The following SLC27A1 variants were observed in gnomAD, a reference collection of about 807,000 sequenced individuals.
SLC27A1 encodes the protein solute carrier family 27 member 1.
SLC27A1 carries 61 observed loss-of-function variants against 62.2 expected under a neutral mutation model. The ratio of observed to expected loss-of-function variants is 0.98; its 90% confidence interval spans 0.80 to 1.21. The LOEUF is 1.21. Among genes scored for constraint, SLC27A1 ranks in the 50% most tolerant of loss-of-function variants. SLC27A1 has a pLI of 0.00. For synonymous variants in SLC27A1, 435 were observed against 408.6 expected (o/e 1.06, Z -0.78); for missense variants, 903 against 932.1 (o/e 0.97, Z 0.41).
At position 17,487,166 on chromosome 19, in the gene SLC27A1, G is replaced by A; in HGVS notation, c.563-8G>A. 6.2e-7 allele frequency: 1 copy of A among 1,613,974 alleles called. No homozygotes were observed. On this transcript the variant is annotated splice_polypyrimidine_tract_variant and splice_region_variant and intron_variant, in intron 2 of 11. Transcript: ENST00000252595. ...CGGTGACCATGACCCATGTGTTGGG[G>A]ACCACAGCGGTGGCCGAAGTGAGCG...
At position 17,487,497 on chromosome 19, in the gene SLC27A1, G is replaced by C. The variant is rs1224057947; in HGVS notation, c.762G>C (p.Gly254=). 1 of 1,611,250 alleles carries C rather than the reference G, an allele frequency of 6.2e-7. No homozygotes were observed. The highest frequency in any genetic ancestry group is 8.5e-7 in the Non-Finnish European group (1 of 1,179,848). ...ACATCTACACGTCGGGGACCACCGG[G>C]CTGCCCAAGGCTGCCATTGTCGTGC... ...LFYIYTSGTT[G]LPKAAIVVHS... The change falls in exon 4 of 12, where the codon GGG becomes GGC. Residue 254 remains glycine, a synonymous_variant. Transcript: ENST00000252595.
intron 7 of SLC27A1, chr19:17,498,046 G>A (rs765854773): frequency 6.1e-6 from 1 of 162,826 alleles, no homozygotes; most frequent in Admixed American, 6.5e-5. Context: ...TCCCATCCAA[G>A]GCCAAGAACA....
At chr19:17,500,153 G>A in intron 7 of SLC27A1, 125 bp from the exon 8 acceptor site, 1 of 1,457,240 alleles carries the variant, frequency 6.9e-7, no homozygotes, top group East Asian at 2.3e-5. Context: ...GATCAGCCAA[G>A]GTCACAGAGC....
intron 6 of SLC27A1, 27 bp from the exon 7 acceptor site, chr19:17,497,228 C>G: frequency 6.4e-7 from 1 of 1,565,626 alleles, no homozygotes; most frequent in African/African-American, 1.4e-5. Context: ...CCGGTCCCAT[C>G]ACCCACTTCC....
intron 11 of SLC27A1, among the ~76,000 whole-genome samples, chr19:17,501,772 C>T (rs2075416442): frequency 7.9e-6 from 1 of 126,870 alleles, no homozygotes; most frequent in Non-Finnish European, 1.6e-5. Context: ...CACTGCACTC[C>T]AGCCTGGGCG....
chr19:17,481,481 C>T (rs2075178107), intron 1 of SLC27A1, among the ~76,000 whole-genome samples: 1 of 151,724 alleles, frequency 6.6e-6, no homozygotes, highest in Admixed American at 6.6e-5. Flanking sequence ...CACACCTGGC[C>T]TCCATTTACA....
intron 1 of SLC27A1, among the ~76,000 whole-genome samples, chr19:17,473,972 T>C (rs1486911210): frequency 6.7e-6 from 1 of 149,940 alleles, no homozygotes; most frequent in Non-Finnish European, 1.5e-5. Flanking sequence ...TGATAAAGTC[T>C]CACTCTGTCA....
At position 17,497,483 on chromosome 19, in the gene SLC27A1, C is replaced by CTGCCAT; in HGVS notation, c.1206+19_1206+20insTGCCAT. ...CGGCAAGGTGCACACCGGCAGGGCC[C>CTGCCAT]CGGGGCAGGTCTCGGAGTTCAGGGA... On this transcript the variant is annotated intron_variant, in intron 7 of 11. Coordinates refer to ENST00000252595, the MANE Select transcript of SLC27A1 (RefSeq NM_198580.3). 1 of 1,593,436 alleles carries CTGCCAT rather than the reference C, an allele frequency of 6.3e-7. No homozygotes were observed. The highest frequency in any genetic ancestry group is 8.5e-7 in the Non-Finnish European group (1 of 1,171,380).
rs1453461575 is a variant in SLC27A1 at position 17,489,001 on chromosome 19, T to TTACCAAGGCCC, written c.887-7_887-6insTACCAAGGCCC. ...GGGGGACCCCTTACCAAGGCCACCC[T>TTACCAAGGCCC]CTGCAGGAAACATCATCGGCGTGGG... On this transcript the variant is annotated splice_region_variant and splice_polypyrimidine_tract_variant and intron_variant, in intron 5 of 11. Transcript: ENST00000252595. The TTACCAAGGCCC allele has an allele frequency of 1.9e-6, 3 of 1,613,872 alleles. No individual in the cohort carries two copies. The highest frequency in any genetic ancestry group is 2.5e-6 in the Non-Finnish European group (3 of 1,179,954).
chr19:17,491,937 T>C (rs1174963821), intron 6 of SLC27A1, among the ~76,000 whole-genome samples: 2 of 152,188 alleles, frequency 1.3e-5, no homozygotes, highest in Non-Finnish European at 1.5e-5. Flanking sequence ...CCTTTTCTCT[T>C]TCTGTCTGTC....
chr19:17,493,161 C>T (rs1051002060), intron 6 of SLC27A1, among the ~76,000 whole-genome samples: 12 of 150,254 alleles, frequency 8.0e-5, no homozygotes, highest in African/African-American at 2.7e-4. Context: ...GGGCCGGGCG[C>T]GGCGGCTCAC....
chr19:17,489,075 G>T lies in SLC27A1; in HGVS notation c.954G>T (p.Ser318=). The part of the protein sequence containing the change: ...GLTVVLRKKF[S]ASRFWDDCIK... The stretch of plus-strand genomic sequence containing the variant: ...CAGTCGTCCTCCGCAAGAAATTCTC[G>T]GCCAGCCGCTTCTGGGACGACTGCA... Residue 318 remains serine (S), a synonymous_variant, in exon 6 of 12, where the codon TCG becomes TCT. Transcript: ENST00000252595. 6.2e-7 allele frequency: 1 copy of T among 1,614,130 alleles called. No homozygotes were observed. Among genetic ancestry groups the T allele is most frequent in the Non-Finnish European group, 8.5e-7 (1 of 1,180,016 alleles).
Position 17,504,740 on chromosome 19 carries a change from C to G in SLC27A1, c.*128C>G. On this transcript the variant is annotated 3_prime_UTR_variant, in exon 12 of 12. Coordinates refer to ENST00000252595, the MANE Select transcript of SLC27A1 (RefSeq NM_198580.3). ...CCGAGCTGTACCTGGCACGGCCCAT[C>G]CTGGACTGAGAAACTGGAACCTCAG... 7.9e-7 allele frequency: 1 copy of G among 1,262,856 alleles called. No homozygotes were observed. The highest frequency in any genetic ancestry group is 1.3e-5 in the South Asian group (1 of 79,216). The allele number at this position is 1,262,856 out of a possible 1,614,324, so 78.2% of individuals were successfully genotyped here. A position where few individuals can be genotyped will look rare whatever the true frequency, so the allele number is the denominator to read the frequency against.
Position 17,474,627 on chromosome 19 carries a change from C to CT in SLC27A1, c.167+3940dup, listed in dbSNP as rs780611616. ...GTGGGCTGGACCTAGTGACCCCTTT[C>CT]TTTTTTTTTTTTTTTTTTTTGAGAT... On this transcript the variant is annotated intron_variant, in intron 1 of 11. Transcript: ENST00000252595. Among the ~76,000 whole-genome samples, 747 of 131,382 alleles carry CT rather than the reference C, an allele frequency of 5.7e-3. 2 individuals are homozygous for CT. Among genetic ancestry groups the CT allele is most frequent in the African/African-American group, 8.2e-3 (303 of 36,974 alleles). The allele number at this position is 131,382 out of a possible 152,430, so 86.2% of individuals were successfully genotyped here.
At position 17,497,393 on chromosome 19, in the gene SLC27A1, G is replaced by GGC. The variant is rs775577810; in HGVS notation, c.1137_1138dup (p.Val380AlafsTer44). 1.7e-5 allele frequency: 27 copies of GGC among 1,605,076 alleles called. No homozygotes were observed. The African/African-American group carries it at 3.2e-4, about 19-fold the overall frequency. ...CTGGGAGGAGTTCACGGAGCGCTTCGGCGTACGCCAAATCGGGGAGTTCTA... is the reference window on the plus strand; with the variant it reads ...CTGGGAGGAGTTCACGGAGCGCTTCGGCGCGTACGCCAAATCGGGGAGTTCTA... On this transcript the variant is annotated frameshift_variant, in exon 7 of 12. Transcript: ENST00000252595. LOFTEE classifies it high-confidence loss of function.
rs7251644 is a variant in SLC27A1 at position 17,489,331 on chromosome 19, C to G, written c.996+214C>G. Among the ~76,000 whole-genome samples the G allele has an allele frequency of 0.78, 118,972 of 152,050 alleles. 47,791 individuals carry two copies. Among genetic ancestry groups the G allele is most frequent in the Non-Finnish European group, 0.89 (60,637 of 68,002 alleles). On this transcript the variant is annotated intron_variant, in intron 6 of 11. Transcript: ENST00000252595. ...TTATGTGCGCCCTCCTGTCCACCTG[C>G]TGGCGCAACCTGCTCCCCCGTCTCT... is the stretch of plus-strand genomic sequence containing the variant.
chr19:17,479,693 G>C (rs1261655722), intron 1 of SLC27A1, among the ~76,000 whole-genome samples: 4 of 151,812 alleles, frequency 2.6e-5, no homozygotes, highest in Non-Finnish European at 4.4e-5. Context: ...GGCTCAGCTG[G>C]AGTGCAGTGG....
rs190840171 is a variant in SLC27A1 at position 17,494,298 on chromosome 19, C to T, written c.997-2957C>T. 4.5e-3 allele frequency among the ~76,000 whole-genome samples: 679 copies of T among 151,854 alleles called. 7 individuals carry two copies. Among genetic ancestry groups the T allele is most frequent in the African/African-American group, 0.016 (652 of 41,360 alleles). ...TCGGCCTCCCAAAGTGCTGGGATTACAGGCGTGAGCCACCGTGCCTGGCCT... is the reference window on the plus strand; with the variant it reads ...TCGGCCTCCCAAAGTGCTGGGATTATAGGCGTGAGCCACCGTGCCTGGCCT... On this transcript the variant is annotated intron_variant, in intron 6 of 11. Coordinates refer to ENST00000252595, the MANE Select transcript of SLC27A1 (RefSeq NM_198580.3).
chr19:17,487,359 C>T, intron 3 of SLC27A1, 24 bp downstream of exon 3: 2 of 1,590,500 alleles, frequency 1.3e-6, no homozygotes, highest in Non-Finnish European at 1.7e-6. Flanking sequence ...GGGACCCCTG[C>T]TCTATCAACT....
Sources: gnomAD v4.1 joint callset for allele counts (sites outside exome capture counted in the v4.1 genomes callset) on GRCh38, gnomAD v4.1.1 for gene constraint, MANE v1.5 for transcripts, NCBI Gene and HGNC (gene_info 2026-07-23, HGNC 2026-07-21) for gene names.